Variants in GTPBP4 observed in about 807,000 individuals in gnomAD.
GTPBP4 encodes the protein GTP-binding protein 4.
A neutral mutation model predicts 81.7 loss-of-function variants in GTPBP4; 15 were observed. The observed-to-expected ratio is 0.18, with a 90% CI of 0.12 to 0.28. GTPBP4 has a LOEUF of 0.28. GTPBP4 is among the 10% of genes least tolerant of loss of function. The pLI, the probability that GTPBP4 is intolerant of heterozygous loss-of-function variation, is 1.00. For missense variants in GTPBP4, 847 were observed against 793.8 expected (o/e 1.07, Z -0.81); for synonymous variants, 272 against 274.6 (o/e 0.99, Z 0.09).
At chr10:994,088 T>C (rs1831496632) in intron 2 of GTPBP4, among the ~76,000 whole-genome samples, 1 of 152,058 alleles carries the variant, frequency 6.6e-6, no homozygotes, top group Non-Finnish European at 1.5e-5. Context: ...AATACAGAAG[T>C]GCTTAAAATA....
intron 2 of GTPBP4, among the ~76,000 whole-genome samples, chr10:994,838 C>G (rs1831510620): frequency 6.6e-6 from 1 of 152,220 alleles, no homozygotes; most frequent in Non-Finnish European, 1.5e-5. Context: ...TGCTTATTGT[C>G]TGTCAGGTAC....
At chr10:994,491 G>A (rs1033711525) in intron 2 of GTPBP4, among the ~76,000 whole-genome samples, 2 of 151,838 alleles carry the variant, frequency 1.3e-5, no homozygotes, top group Admixed American at 1.3e-4. Context: ...GGCTGGTCTC[G>A]AACTCCTGAC....
chr10:1,008,445 C>T, intron 10 of GTPBP4: 4 of 328,758 alleles, frequency 1.2e-5, no homozygotes, highest in South Asian at 1.0e-4. Context: ...TAAAAATTAG[C>T]TTTTTTGGAT....
At chr10:989,346 C>G (rs779796994) in intron 1 of GTPBP4, among the ~76,000 whole-genome samples, 23 of 152,256 alleles carry the variant, frequency 1.5e-4, no homozygotes, top group Non-Finnish European at 2.5e-4. Context: ...AACTCCTGAT[C>G]CCGGGTGATC....
At chr10:995,452 A>G (rs1236193719) in intron 2 of GTPBP4, among the ~76,000 whole-genome samples, 1 of 151,676 alleles carries the variant, frequency 6.6e-6, no homozygotes, top group South Asian at 2.1e-4. Context: ...AATTCTGGAG[A>G]GAGTGGGTTC....
intron 1 of GTPBP4, among the ~76,000 whole-genome samples, chr10:991,684 T>C (rs1346662174): frequency 6.9e-6 from 1 of 144,034 alleles, no homozygotes; most frequent in Non-Finnish European, 1.5e-5. Flanking sequence ...TGGTGTAAAA[T>C]TTATCTTTTT....
chr10:1,014,952 T>G (rs1831948843), intron 15 of GTPBP4, among the ~76,000 whole-genome samples: 1 of 152,026 alleles, frequency 6.6e-6, no homozygotes, highest in East Asian at 1.9e-4. Context: ...GACCCTGTCC[T>G]CTAGATGTGC....
chr10:1,019,445 G>A lies in GTPBP4; in HGVS notation c.*2218G>A, dbSNP rs1203320258. 14 of 1,246,496 alleles carry A rather than the reference G, an allele frequency of 1.1e-5. No homozygotes were observed. Among genetic ancestry groups the A allele is most frequent in the African/African-American group, 1.5e-5 (1 of 66,258 alleles). 77.2% of individuals were successfully genotyped at this position (1,246,496 alleles called of 1,614,324 possible). On this transcript the variant is annotated 3_prime_UTR_variant, in exon 17 of 17. Coordinates refer to ENST00000360803, the MANE Select transcript of GTPBP4 (RefSeq NM_012341.3). The stretch of plus-strand genomic sequence containing the variant: ...TTTTGCCCTGTTTTTTGGAGAGGGT[G>A]TATCATTGCCTCAATGGTGCGTCTG...
intron 12 of GTPBP4, 88 bp downstream of exon 12, chr10:1,009,668 A>C: frequency 1.2e-6 from 1 of 837,878 alleles, no homozygotes; most frequent in Non-Finnish European, 2.1e-6. Flanking sequence ...AATAAGTAAT[A>C]AAAGTGTTTC....
At chr10:994,825 G>A (rs1831510469) in intron 2 of GTPBP4, among the ~76,000 whole-genome samples, 1 of 152,230 alleles carries the variant, frequency 6.6e-6, no homozygotes. Context: ...GTCATTCACT[G>A]AATGCTTATT....
intron 9 of GTPBP4, among the ~76,000 whole-genome samples, chr10:1,006,648 G>A (rs991441277): frequency 1.1e-4 from 16 of 151,814 alleles, no homozygotes; most frequent in South Asian, 2.1e-4. Context: ...CAAAAAAAAA[G>A]ATGGCACTCC....
chr10:988,579 T>G, intron 1 of GTPBP4, 52 bp downstream of exon 1: 4 of 1,399,952 alleles, frequency 2.9e-6, no homozygotes, highest in Non-Finnish European at 3.0e-6. Flanking sequence ...CTCAGCTGGG[T>G]CCCCGGGGAG....
chr10:1,002,484 T>A (rs1462968987), intron 8 of GTPBP4, among the ~76,000 whole-genome samples: 3 of 152,250 alleles, frequency 2.0e-5, no homozygotes, highest in African/African-American at 4.8e-5. Context: ...TGTCTTAATG[T>A]CTTTACAGGT....
In GTPBP4 at chr10:1,011,134, TG is replaced by T. The variant is rs1234827115; in HGVS notation, c.1344+617del. 5.0e-5 allele frequency among the ~76,000 whole-genome samples: 5 copies of T among 100,642 alleles called. 1 individual carries two copies. The East Asian group carries it at 1.7e-3, about 34-fold the overall frequency. 66.0% of individuals were successfully genotyped at this position (100,642 alleles called of 152,430 possible). A position where few individuals can be genotyped will look rare whatever the true frequency, so the allele number is the denominator to read the frequency against. On this transcript the variant is annotated intron_variant, in intron 13 of 16. Transcript: ENST00000360803. ...CACCCCGAGACTCTGGTGGAGATGC[TG>T]GGCCCCTTCATTCTCCTGCATCCCT...
At position 988,476 on chromosome 10, in the gene GTPBP4, C is replaced by T; in HGVS notation, c.-4C>T. The T allele has an allele frequency of 4.3e-6, 7 of 1,612,800 alleles. No homozygotes were observed. The highest frequency in any genetic ancestry group is 5.9e-6 in the Non-Finnish European group (7 of 1,179,246). Reference sequence around the variant, plus strand: ...CAAGTACCCGCGTGCATACGGCTGCCGGCATGGCACATTACAACTTCAAGA... The same window carrying T: ...CAAGTACCCGCGTGCATACGGCTGCTGGCATGGCACATTACAACTTCAAGA... On this transcript the variant is annotated 5_prime_UTR_variant, in exon 1 of 17. Transcript: ENST00000360803.
chr10:988,520 C>T lies in GTPBP4; in HGVS notation c.41C>T (p.Ser14Phe), dbSNP rs771003947. 4 of 1,612,470 alleles carry T rather than the reference C, an allele frequency of 2.5e-6. No individual in the cohort carries two copies. The highest frequency in any genetic ancestry group is 4.5e-5 in the East Asian group (2 of 44,850). Residue 14 changes from serine (S) to phenylalanine (F), a missense_variant, in exon 1 of 17, where the codon TCC becomes TTC. Coordinates refer to ENST00000360803, the MANE Select transcript of GTPBP4 (RefSeq NM_012341.3). ...TTCAAGAAAATTACGGTGGTGCCGT[C>T]CGCCAAGGTAGGCGGCCCCGGGAGG... ...YNFKKITVVP[S>F]AKDFIDLTLS...
intron 5 of GTPBP4, among the ~76,000 whole-genome samples, chr10:997,646 T>C (rs1831557846): frequency 6.6e-6 from 1 of 152,246 alleles, no homozygotes; most frequent in African/African-American, 2.4e-5. Context: ...TTGAGACATG[T>C]AAGTGCATTT....
In GTPBP4 at chr10:1,018,687, A is replaced by T. The variant is rs1252706890; in HGVS notation, c.*1460A>T. On this transcript the variant is annotated 3_prime_UTR_variant, in exon 17 of 17. Coordinates refer to ENST00000360803, the MANE Select transcript of GTPBP4 (RefSeq NM_012341.3). ...GCTGGGTGTGGTGGCGGGCGCCTGT[A>T]GTCCCAACTACTTGGGAGGCTGAGG... 6.6e-6 allele frequency: 1 copy of T among 151,758 alleles called. No individual in the cohort carries two copies. Among genetic ancestry groups the T allele is most frequent in the Non-Finnish European group, 1.5e-5 (1 of 68,040 alleles). 9.4% of individuals were successfully genotyped at this position (151,758 alleles called of 1,614,324 possible). A position where few individuals can be genotyped will look rare whatever the true frequency, so the allele number is the denominator to read the frequency against.
At chr10:1,013,570 A>G (rs1184243862) in intron 14 of GTPBP4, among the ~76,000 whole-genome samples, 1 of 152,100 alleles carries the variant, frequency 6.6e-6, no homozygotes. Flanking sequence ...AGATTGTGCC[A>G]GTGCACTCCA....
Sources: gnomAD v4.1 joint callset for allele counts (sites outside exome capture counted in the v4.1 genomes callset) on GRCh38, gnomAD v4.1.1 for gene constraint, MANE v1.5 for transcripts, NCBI Gene and HGNC (gene_info 2026-07-23, HGNC 2026-07-21) for gene names.